Variants in BEST3 observed in about 807,000 individuals in gnomAD.
The protein encoded by BEST3 is bestrophin-3.
A neutral mutation model predicts 47.1 loss-of-function variants in BEST3; 50 were observed. The observed-to-expected ratio is 1.06, with a 90% CI of 0.85 to 1.34. The LOEUF is 1.34. Ranked by LOEUF, BEST3 falls within the 40% of genes most tolerant of loss-of-function variation. BEST3 has a pLI of 0.00. For missense variants in BEST3, 765 were observed against 817.0 expected, an observed-to-expected ratio of 0.94 and a Z score of 0.78; for synonymous variants, 282 against 298.8, an observed-to-expected ratio of 0.94 and a Z score of 0.58.
Position 69,697,700 on chromosome 12 carries a change from G to A in BEST3, c.99C>T (p.Tyr33=). 6.2e-7 allele frequency: 1 copy of A among 1,612,738 alleles called. No homozygotes were observed. The highest frequency in any genetic ancestry group is 8.5e-7 in the Non-Finnish European group (1 of 1,179,232). Residue 33 remains tyrosine (Y), a synonymous_variant, in exon 2 of 10, where the codon TAC becomes TAT. Transcript: ENST00000330891. ...KWRGSIYKLL[Y]REFIVFAVLY... ...GAACAGCAAAAACAATAAATTCCCT[G>A]TACAGTAGTTTGTAGATGCTGCCTC...
chr12:69,652,800 A>C (rs1329191051), downstream of BEST3, among the ~76,000 whole-genome samples: 1 of 152,252 alleles, frequency 6.6e-6, no homozygotes, highest in African/African-American at 2.4e-5. Flanking sequence ...GAGAATAGAC[A>C]GACTGAAATT....
Position 69,654,658 on chromosome 12 carries a change from G to T in BEST3, c.*249C>A. On this transcript the variant is annotated 3_prime_UTR_variant, in exon 10 of 10. Transcript: ENST00000330891. ...CCTTTTTTTGGTTAAGACTTATTTG[G>T]CTAAATCACTGTGGTCTGTGTAACT... 2 of 1,229,548 alleles carry T rather than the reference G, an allele frequency of 1.6e-6. No homozygotes were observed. The highest frequency in any genetic ancestry group is 2.0e-6 in the Non-Finnish European group (2 of 982,884). The allele number at this position is 1,229,548 out of a possible 1,614,324, so 76.2% of individuals were successfully genotyped here.
intron 4 of BEST3, among the ~76,000 whole-genome samples, chr12:69,690,310 G>GA (rs1377190980): frequency 6.6e-6 from 1 of 152,214 alleles, no homozygotes; most frequent in African/African-American, 2.4e-5. Context: ...ACATGCCTCG[G>GA]AAAGGGAAAA....
intron 4 of BEST3, among the ~76,000 whole-genome samples, chr12:69,690,329 G>T (rs1885868783): frequency 6.6e-6 from 1 of 152,224 alleles, no homozygotes; most frequent in African/African-American, 2.4e-5. Context: ...AAGTCTGAAT[G>T]CAAGTACATG....
chr12:69,650,401 C>T (rs1883172061), downstream of BEST3, among the ~76,000 whole-genome samples: 1 of 152,128 alleles, frequency 6.6e-6, no homozygotes, highest in Admixed American at 6.6e-5. Context: ...AAAAAGCATG[C>T]AAAAGTATTG....
intron 8 of BEST3, 49 bp from the exon 9 acceptor site, chr12:69,671,628 A>G (rs1028564764): frequency 2.5e-6 from 4 of 1,590,938 alleles, no homozygotes; most frequent in African/African-American, 1.3e-5. Context: ...AAATTAAATA[A>G]AAAGGAGAAG....
intron 4 of BEST3, among the ~76,000 whole-genome samples, chr12:69,693,326 C>T (rs1467924607): frequency 3.4e-5 from 5 of 145,568 alleles, no homozygotes; most frequent in Non-Finnish European, 6.0e-5. Flanking sequence ...GCTGCAATCT[C>T]GGGTCACTGC....
chr12:69,682,822 C>T (rs112087099), intron 4 of BEST3, among the ~76,000 whole-genome samples: 6,003 of 152,242 alleles, frequency 0.039, 167 homozygotes, highest in African/African-American at 0.068. Flanking sequence ...AGTGATCTGC[C>T]CACCTTGGCC....
chr12:69,654,594 T>C lies in BEST3; in HGVS notation c.*313A>G, dbSNP rs955519650. On this transcript the variant is annotated 3_prime_UTR_variant, in exon 10 of 10. Coordinates refer to ENST00000330891, the MANE Select transcript of BEST3 (RefSeq NM_032735.3). The stretch of plus-strand genomic sequence containing the variant: ...TCTATGAGACTCTTTCCACAACTAA[T>C]AATCTATGAATTTATAAGTCATGTA... The C allele has an allele frequency of 1.1e-5, 12 of 1,069,866 alleles. No homozygotes were observed. In the African/African-American group the frequency reaches 2.0e-4, roughly 18 times the overall value. 66.3% of individuals were successfully genotyped at this position (1,069,866 alleles called of 1,614,324 possible).
At chr12:69,675,530 A>G (rs1331803056) in intron 7 of BEST3, among the ~76,000 whole-genome samples, 2 of 152,250 alleles carry the variant, frequency 1.3e-5, no homozygotes, top group South Asian at 4.1e-4. Context: ...AGACAAAACA[A>G]AGAATAAAAA....
In BEST3 at chr12:69,665,946, G is replaced by A. The variant is rs573470215; in HGVS notation, c.1100+5482C>T. Among the ~76,000 whole-genome samples, 15 of 152,248 alleles carry A rather than the reference G, an allele frequency of 9.9e-5. No homozygotes were observed. The East Asian group carries it at 2.7e-3, about 27-fold the overall frequency. On this transcript the variant is annotated intron_variant, in intron 9 of 9. Coordinates refer to ENST00000330891, the MANE Select transcript of BEST3 (RefSeq NM_032735.3). Reference sequence around the variant, plus strand: ...GGTGGAGAATGAAACAAGACTGGCCGTAACTTGATAATTGAAGTGGTGATG... The same window carrying A: ...GGTGGAGAATGAAACAAGACTGGCCATAACTTGATAATTGAAGTGGTGATG...
chr12:69,686,779 C>CGAAAAAAAAAAACA lies in BEST3; in HGVS notation c.481+6894_481+6895insTGTTTTTTTTTTTC, dbSNP rs1555208517. ...AGAGCAAGATTCTGCCTCAAAAAAACAAAAAAAAAAGAAAGAAAAGAAAAA... is the reference window on the plus strand; with the variant it reads ...AGAGCAAGATTCTGCCTCAAAAAAACGAAAAAAAAAAACAAAAAAAAAAAGAAAGAAAAGAAAAA... On this transcript the variant is annotated intron_variant, in intron 4 of 9. Transcript: ENST00000330891. Among the ~76,000 whole-genome samples, 5 of 99,390 alleles carry CGAAAAAAAAAAACA rather than the reference C, an allele frequency of 5.0e-5. No individual in the cohort carries two copies. The East Asian group carries it at 6.8e-4, about 13-fold the overall frequency. 65.2% of individuals were successfully genotyped at this position (99,390 alleles called of 152,430 possible).
chr12:69,684,981 G>GTTCTATTCTATTCTA (rs59611126), intron 4 of BEST3, among the ~76,000 whole-genome samples: 8,830 of 142,158 alleles, frequency 0.062, 324 homozygotes, highest in South Asian at 0.078. Flanking sequence ...GCTTTCTGCT[G>GTTCTATTCTATTCTA]TTCTATTCTA....
At chr12:69,687,151 T>A (rs1255581454) in intron 4 of BEST3, 1 of 152,206 alleles carries the variant, frequency 6.6e-6, no homozygotes, top group Non-Finnish European at 1.5e-5. Context: ...AGACCTGAGT[T>A]CCATTTATAG....
chr12:69,650,995 C>T (rs1386181466), downstream of BEST3, among the ~76,000 whole-genome samples: 1 of 152,162 alleles, frequency 6.6e-6, no homozygotes, highest in African/African-American at 2.4e-5. Flanking sequence ...TCTGTAAGCC[C>T]CAGCTTCTCC....
At chr12:69,651,636 G>A (rs1404144382), downstream of BEST3, among the ~76,000 whole-genome samples, 1 of 152,028 alleles carries the variant, frequency 6.6e-6, no homozygotes, top group African/African-American at 2.4e-5. Flanking sequence ...TTAGCCAGGT[G>A]TGATGGCGGG....
rs539165159 is a variant in BEST3 at position 69,692,327 on chromosome 12, G to A, written c.481+1347C>T. 1.8e-4 allele frequency among the ~76,000 whole-genome samples: 28 copies of A among 152,312 alleles called. No homozygotes were observed. The East Asian group carries it at 1.9e-3, about 10-fold the overall frequency. ...CAATGTGAAGGCAGAATCACCTCACGCTTCTCATCCATATGTGCCAAGAAT... is the reference window on the plus strand; with the variant it reads ...CAATGTGAAGGCAGAATCACCTCACACTTCTCATCCATATGTGCCAAGAAT... On this transcript the variant is annotated intron_variant, in intron 4 of 9. Transcript: ENST00000330891.
chr12:69,692,887 C>T (rs1278973767), intron 4 of BEST3, among the ~76,000 whole-genome samples: 1 of 152,094 alleles, frequency 6.6e-6, no homozygotes, highest in African/African-American at 2.4e-5. Context: ...CTCAGCCTCC[C>T]GAGTAGCGGG....
chr12:69,654,111 C>CA lies in BEST3; in HGVS notation c.*795dup. On this transcript the variant is annotated 3_prime_UTR_variant, in exon 10 of 10. Coordinates refer to ENST00000330891, the MANE Select transcript of BEST3 (RefSeq NM_032735.3). Reference sequence around the variant, plus strand: ...AAGGGTATCAGGCTGGATTTGTTGACACCTTTGATGATTCTGTAGGAGGCT... The same window carrying CA: ...AAGGGTATCAGGCTGGATTTGTTGACAACCTTTGATGATTCTGTAGGAGGCT... The CA allele has an allele frequency of 1.0e-6, 1 of 985,416 alleles. No individual in the cohort carries two copies. The highest frequency in any genetic ancestry group is 1.2e-6 in the Non-Finnish European group (1 of 829,936). The allele number at this position is 985,416 out of a possible 1,614,324, so 61.0% of individuals were successfully genotyped here.
Sources: allele counts gnomAD v4.1 joint callset (sites outside exome capture counted in the v4.1 genomes callset), GRCh38; gene constraint gnomAD v4.1.1; transcripts MANE v1.5; gene names NCBI Gene and HGNC (gene_info 2026-07-23, HGNC 2026-07-21).